Variants in TENM3 observed in about 807,000 individuals in gnomAD.
The protein encoded by TENM3 is teneurin-3.
Under a neutral mutation model 255.1 loss-of-function variants are expected in TENM3, and 63 were observed. That is an observed-to-expected ratio of 0.25 (90% CI 0.20 to 0.30). The LOEUF (loss-of-function observed/expected upper bound fraction) is 0.30. Ranked by LOEUF, TENM3 falls within the 10% of genes least tolerant of loss-of-function variation. TENM3 has a pLI of 1.00. For synonymous variants in TENM3, 1,306 were observed against 1,322.3 expected (o/e 0.99, Z 0.27); for missense variants, 2,929 against 3,461.1 (o/e 0.85, Z 3.86).
Position 182,731,108 on chromosome 4 carries a change from C to T in TENM3, c.2936C>T (p.Pro979Leu), listed in dbSNP as rs1332599574. ...TTATCCACCTTTTTCAGATCTTCTC[C>T]TGAAGACAGTCCCATCATTCCCGAA... ...SPLSTFFRSS[P>L]EDSPIIPETQ... Residue 979 changes from proline (P) to leucine (L), a missense_variant, in exon 16 of 28, where the codon CCT (proline) becomes CTT (leucine). Physicochemically the swap from Pro to Leu is moderately conservative, Grantham distance 98. Around this residue, in one of 6 missense-constraint regions of TENM3, gnomAD observed 1,608 missense variants for 1,884.4 expected, o/e 0.85. Transcript: ENST00000511685. 1.2e-6 allele frequency: 2 copies of T among 1,613,762 alleles called. No homozygotes were observed. Among genetic ancestry groups the T allele is most frequent in the Non-Finnish European group, 1.7e-6 (2 of 1,179,864 alleles).
chr4:182,490,834 A>G (rs948630314), intron 3 of TENM3, among the ~76,000 whole-genome samples: 2 of 152,142 alleles, frequency 1.3e-5, no homozygotes, highest in African/African-American at 4.8e-5. Context: ...TGAACTGCAC[A>G]CTTGTCATTT....
At chr4:182,376,866 T>G (rs2150893910) in intron 3 of TENM3, among the ~76,000 whole-genome samples, 1 of 152,226 alleles carries the variant, frequency 6.6e-6, no homozygotes, top group Non-Finnish European at 1.5e-5. Flanking sequence ...TTATCAAAAA[T>G]AAGTGAAGAC....
the TENM3 span, among the ~76,000 whole-genome samples, chr4:181,929,354 CAAA>C: frequency 8.2e-6 from 1 of 122,164 alleles, no homozygotes. Flanking sequence ...AATGGAAAGG[CAAA>C]AAAAAAAAAG....
the TENM3 span, among the ~76,000 whole-genome samples, chr4:181,933,281 T>C: frequency 6.6e-6 from 1 of 152,178 alleles, no homozygotes. Flanking sequence ...TTTCTTGCAG[T>C]TATCAATCAG....
chr4:181,898,153 T>A, the TENM3 span, among the ~76,000 whole-genome samples: 2 of 152,086 alleles, frequency 1.3e-5, no homozygotes, highest in Non-Finnish European at 2.9e-5. Context: ...AAAGAGAAAA[T>A]GGAAAAGGAT....
At chr4:182,245,872 A>C (rs1757606103) in intron 1 of TENM3, among the ~76,000 whole-genome samples, 1 of 152,190 alleles carries the variant, frequency 6.6e-6, no homozygotes, top group Non-Finnish European at 1.5e-5. Context: ...GATTTTACAG[A>C]TTTGTGTTAG....
intron 1 of TENM3, among the ~76,000 whole-genome samples, chr4:182,177,398 C>T (rs1181230914): frequency 1.3e-5 from 2 of 152,050 alleles, no homozygotes; most frequent in Admixed American, 1.3e-4. Flanking sequence ...TACACAGAGC[C>T]ACTCAGAGGA....
At chr4:181,532,102 C>T in the TENM3 span, among the ~76,000 whole-genome samples, 3 of 152,024 alleles carry the variant, frequency 2.0e-5, no homozygotes, top group Non-Finnish European at 4.4e-5. Flanking sequence ...AGAAGTAGAG[C>T]GTGTCTGGGA....
At chr4:181,763,846 T>C in the TENM3 span, among the ~76,000 whole-genome samples, 4 of 152,238 alleles carry the variant, frequency 2.6e-5, no homozygotes, top group African/African-American at 9.6e-5. Flanking sequence ...TTTGTGAACT[T>C]TAACTTATGT....
At chr4:181,842,947 C>T in the TENM3 span, among the ~76,000 whole-genome samples, 1 of 152,156 alleles carries the variant, frequency 6.6e-6, no homozygotes, top group East Asian at 1.9e-4. Flanking sequence ...TTTACTTACT[C>T]TGTATCCCTA....
At chr4:182,268,063 C>A (rs1034929249) in intron 1 of TENM3, among the ~76,000 whole-genome samples, 1 of 152,152 alleles carries the variant, frequency 6.6e-6, no homozygotes, top group Non-Finnish European at 1.5e-5. Context: ...CAGCTAACAA[C>A]CCCATGTCAG....
intron 1 of TENM3, among the ~76,000 whole-genome samples, chr4:182,155,072 G>C (rs1381893996): frequency 2.0e-5 from 3 of 152,060 alleles, no homozygotes; most frequent in Non-Finnish European, 4.4e-5. Flanking sequence ...CATTTAGTCA[G>C]CGTCAATCAA....
At chr4:182,241,130 C>T (rs996334185), upstream of TENM3, among the ~76,000 whole-genome samples, 2 of 152,148 alleles carry the variant, frequency 1.3e-5, no homozygotes, top group Non-Finnish European at 2.9e-5. Flanking sequence ...AATTTCATTC[C>T]TTGCAGAGTT....
the TENM3 span, among the ~76,000 whole-genome samples, chr4:181,477,284 A>G: frequency 6.6e-6 from 1 of 152,172 alleles, no homozygotes; most frequent in Non-Finnish European, 1.5e-5. Context: ...GACTTGAATA[A>G]GTGATCTCTT....
intron 19 of TENM3, among the ~76,000 whole-genome samples, chr4:182,750,776 C>T (rs777993526): frequency 3.9e-5 from 6 of 151,988 alleles, no homozygotes; most frequent in Non-Finnish European, 7.4e-5. Context: ...TAACTAAGTT[C>T]GTCATCAAAA....
chr4:182,614,825 C>G (rs1749323338), intron 4 of TENM3, among the ~76,000 whole-genome samples: 2 of 151,540 alleles, frequency 1.3e-5, no homozygotes, highest in Non-Finnish European at 2.9e-5. Flanking sequence ...TTTTCAATTA[C>G]ACTGGTTTTT....
intron 3 of TENM3, among the ~76,000 whole-genome samples, chr4:182,585,505 T>G (rs568741060): frequency 6.6e-6 from 1 of 152,274 alleles, no homozygotes; most frequent in Non-Finnish European, 1.5e-5. Context: ...GGCTTTGCTC[T>G]CCTGCATTGC....
At chr4:182,383,637 C>T (rs529286321) in intron 3 of TENM3, among the ~76,000 whole-genome samples, 1 of 152,110 alleles carries the variant, frequency 6.6e-6, no homozygotes, top group Non-Finnish European at 1.5e-5. Context: ...TCCCTCCCCC[C>T]ATTTTGGAAT....
At chr4:181,492,006 T>A in the TENM3 span, among the ~76,000 whole-genome samples, 3 of 152,198 alleles carry the variant, frequency 2.0e-5, no homozygotes, top group African/African-American at 7.2e-5. Context: ...TTGGCCAAAT[T>A]AACTTAAGCC....
Sources: gnomAD v4.1 joint callset for allele counts (sites outside exome capture counted in the v4.1 genomes callset) on GRCh38, gnomAD v4.1.1 for gene constraint, gnomAD v4.1.1 regional missense constraint, MANE v1.5 for transcripts, NCBI Gene and HGNC (gene_info 2026-07-23, HGNC 2026-07-21) for gene names.